The following KAZN variants were observed in gnomAD, a reference collection of about 807,000 sequenced individuals.
KAZN encodes kazrin, periplakin interacting protein.
In KAZN, 40 loss-of-function variants were observed where a neutral mutation model predicts 87.4. The observed-to-expected ratio is 0.46, with a 90% confidence interval of 0.36 to 0.60. The LOEUF is 0.60. Among genes scored for constraint, KAZN ranks in the 20% least tolerant of loss-of-function variants. KAZN has a pLI of 0.00. For missense variants in KAZN, 898 were observed against 1,073.9 expected, an observed-to-expected ratio of 0.84 and a Z score of 2.29; for synonymous variants, 466 against 458.3, an observed-to-expected ratio of 1.02 and a Z score of -0.22.
chr1:14,433,715 C>A (rs977556056), intron 2 of KAZN, among the ~76,000 whole-genome samples: 2 of 152,144 alleles, frequency 1.3e-5, no homozygotes, highest in Admixed American at 1.3e-4. Context: ...AAAAACTTAG[C>A]CAGGTATGGT....
chr1:14,357,255 T>C (rs1659111485), intron 2 of KAZN, among the ~76,000 whole-genome samples: 1 of 152,196 alleles, frequency 6.6e-6, no homozygotes. Context: ...ATGCTTGTGA[T>C]TTTTGCATAT....
intron 1 of KAZN, among the ~76,000 whole-genome samples, chr1:14,851,936 C>A (rs1325401313): frequency 6.6e-6 from 1 of 152,194 alleles, no homozygotes; most frequent in East Asian, 1.9e-4. Flanking sequence ...GACATGGAGA[C>A]CCAGGTCCTC....
At chr1:14,647,555 C>T (rs143038828) in intron 1 of KAZN, among the ~76,000 whole-genome samples, 18 of 152,262 alleles carry the variant, frequency 1.2e-4, no homozygotes, top group African/African-American at 4.1e-4. Flanking sequence ...AGACTCTGGG[C>T]TGGTAAGTAA....
intron 8 of KAZN, among the ~76,000 whole-genome samples, chr1:15,087,800 G>A (rs1640333560): frequency 1.3e-5 from 2 of 152,218 alleles, no homozygotes; most frequent in African/African-American, 2.4e-5. Flanking sequence ...TGGGCCCGCA[G>A]GGGACAGAGG....
At chr1:14,045,679 AG>A (rs899596203) in intron 1 of KAZN, among the ~76,000 whole-genome samples, 1 of 152,172 alleles carries the variant, frequency 6.6e-6, no homozygotes, top group African/African-American at 2.4e-5. Flanking sequence ...GTTACTTCCT[AG>A]TTTGCATTTC....
intron 1 of KAZN, among the ~76,000 whole-genome samples, chr1:14,103,365 G>C (rs1320696457): frequency 6.6e-6 from 1 of 152,170 alleles, no homozygotes; most frequent in East Asian, 1.9e-4. Flanking sequence ...ATATAAATTG[G>C]AGTGAATGGG....
intron 2 of KAZN, among the ~76,000 whole-genome samples, chr1:15,028,414 A>G (rs947161363): frequency 1.1e-4 from 16 of 152,246 alleles, no homozygotes; most frequent in African/African-American, 3.9e-4. Context: ...AGTCCCAGAG[A>G]AACACAGCCA....
At chr1:14,920,026 G>A (rs1658322354) in intron 1 of KAZN, among the ~76,000 whole-genome samples, 1 of 152,156 alleles carries the variant, frequency 6.6e-6, no homozygotes, top group African/African-American at 2.4e-5. Flanking sequence ...GTCATTAAGT[G>A]ATGCATGACT....
intron 2 of KAZN, among the ~76,000 whole-genome samples, chr1:14,318,694 G>C (rs551479976): frequency 1.3e-5 from 2 of 151,992 alleles, no homozygotes; most frequent in African/African-American, 2.4e-5. Flanking sequence ...CGATATTGTC[G>C]TGCAATTCAA....
intron 2 of KAZN, among the ~76,000 whole-genome samples, chr1:14,964,380 A>G (rs925121758): frequency 2.0e-5 from 3 of 152,084 alleles, no homozygotes; most frequent in African/African-American, 7.2e-5. Context: ...CTGCTTGGAG[A>G]TGTTGCTTGT....
rs746172858 is a variant in KAZN, at chr1:15,094,920, G to A, written c.1534G>A (p.Glu512Lys). The A allele has an allele frequency of 6.5e-6, 10 of 1,549,486 alleles. No homozygotes were observed. Among genetic ancestry groups the A allele is most frequent in the East Asian group, 2.4e-5 (1 of 40,906 alleles). The change falls in exon 10 of 15, where the codon GAG (glutamate) becomes AAG (lysine). Residue 512 changes from glutamate to lysine, a missense_variant. Physicochemically the swap from Glu to Lys is moderately conservative, Grantham distance 56. Coordinates refer to ENST00000376030, the MANE Select transcript of KAZN (RefSeq NM_201628.3). The surrounding 1 kb of genome is among the most constrained non-coding windows in gnomAD (Gnocchi z 4.5). ...RLAIEDYRDA[E>K]AGRSLSKAAE... Reference sequence around the variant, plus strand: ...GGCCATCGAGGACTACCGTGATGCCGAGGCAGGCCGCAGGTGAGCCCACCA... The same window carrying A: ...GGCCATCGAGGACTACCGTGATGCCAAGGCAGGCCGCAGGTGAGCCCACCA...
intron 1 of KAZN, among the ~76,000 whole-genome samples, chr1:14,757,811 G>T (rs1460984918): frequency 6.6e-6 from 1 of 152,150 alleles, no homozygotes; most frequent in Admixed American, 6.5e-5. Context: ...TATGGATTAA[G>T]AATTCATTTT....
intron 1 of KAZN, among the ~76,000 whole-genome samples, chr1:14,809,569 G>A (rs1245586749): frequency 1.3e-5 from 2 of 152,162 alleles, no homozygotes; most frequent in Non-Finnish European, 2.9e-5. Flanking sequence ...AATTCCAAGT[G>A]CCCTATTCTG....
chr1:15,088,997 G>A (rs113919726), intron 8 of KAZN, among the ~76,000 whole-genome samples: 42 of 151,830 alleles, frequency 2.8e-4, no homozygotes, highest in Admixed American at 9.8e-4. Flanking sequence ...ACAGGCACAC[G>A]CACACACACG....
chr1:13,957,459 G>T (rs1395891443), intron 1 of KAZN, among the ~76,000 whole-genome samples: 1 of 152,098 alleles, frequency 6.6e-6, no homozygotes, highest in African/African-American at 2.4e-5. Context: ...GGTTTGGGTT[G>T]GGTACCCCTG....
At chr1:15,035,647 A>G (rs1002224048) in intron 3 of KAZN, among the ~76,000 whole-genome samples, 4 of 152,152 alleles carry the variant, frequency 2.6e-5, no homozygotes, top group Admixed American at 2.0e-4. Flanking sequence ...CAAGAATTCG[A>G]GACCAGCCTG....
rs190732924 is a variant in KAZN at position 14,114,732 on chromosome 1, C to T, written c.92-65703C>T. On this transcript the variant is annotated intron_variant, in intron 1 of 16. Transcript: ENST00000636203. ...ATCTCTAAAAGTGATGACACACTGTCATTCTAGACACAGTGTCAGTATATT... is the reference window on the plus strand; with the variant it reads ...ATCTCTAAAAGTGATGACACACTGTTATTCTAGACACAGTGTCAGTATATT... Among the ~76,000 whole-genome samples, 550 of 152,320 alleles carry T rather than the reference C, an allele frequency of 3.6e-3. 2 individuals carry two copies. The highest frequency in any genetic ancestry group is 0.013 in the African/African-American group (525 of 41,564).
chr1:14,398,974 C>T (rs1270376030), intron 2 of KAZN, among the ~76,000 whole-genome samples: 2 of 152,056 alleles, frequency 1.3e-5, no homozygotes, highest in Non-Finnish European at 2.9e-5. Context: ...TCTCCCCATT[C>T]CCCCCTCCAC....
rs532641750 is a variant in KAZN at position 14,170,346 on chromosome 1, G to A, written c.92-10089G>A. Among the ~76,000 whole-genome samples, 3 of 152,026 alleles carry A rather than the reference G, an allele frequency of 2.0e-5. No homozygotes were observed. In the South Asian group the frequency reaches 6.2e-4, roughly 32 times the overall value. ...CTTTTAAACCTGTCTAATCTTGTAA[G>A]TTATGACTCTTTCACTGGGTCAAGG... is the stretch of plus-strand genomic sequence containing the variant. On this transcript the variant is annotated intron_variant, in intron 1 of 16. Coordinates refer to the KAZN transcript ENST00000636203.
Sources: allele counts gnomAD v4.1 joint callset (sites outside exome capture counted in the v4.1 genomes callset), GRCh38; gene constraint gnomAD v4.1.1; non-coding constraint Gnocchi (gnomAD v3.1); transcripts MANE v1.5; gene names NCBI Gene and HGNC (gene_info 2026-07-23, HGNC 2026-07-21).